NBEA: variants seen among roughly 807,000 people sequenced by gnomAD.
NBEA encodes lysosomal-trafficking regulator 2.
NBEA carries 44 observed loss-of-function variants against 343.4 expected under a neutral mutation model. That is an observed-to-expected ratio of 0.13 (90% CI 0.10 to 0.16). NBEA has a LOEUF of 0.16. Ranked by LOEUF, NBEA falls within the 10% of genes least tolerant of loss-of-function variation. The pLI is 1.00. For synonymous variants in NBEA, 1,175 were observed against 1,238.7 expected (o/e 0.95, Z 1.08); for missense variants, 2,555 against 3,631.3 (o/e 0.70, Z 7.62).
chr13:35,495,752 G>A (rs951177225), intron 41 of NBEA, among the ~76,000 whole-genome samples: 3 of 151,960 alleles, frequency 2.0e-5, no homozygotes, highest in Non-Finnish European at 4.4e-5. Context: ...CATATGTCAG[G>A]CCATAACACA....
chr13:35,271,376 T>C (rs2034134841), intron 34 of NBEA, among the ~76,000 whole-genome samples: 1 of 151,884 alleles, frequency 6.6e-6, no homozygotes, highest in African/African-American at 2.4e-5. Context: ...AGACCAAAGG[T>C]AGATAAAACC....
intron 36 of NBEA, among the ~76,000 whole-genome samples, chr13:35,341,475 A>G (rs776965406): frequency 3.0e-4 from 46 of 152,068 alleles, no homozygotes; most frequent in Admixed American, 5.9e-4. Flanking sequence ...ATTGAAATCA[A>G]TGTTTGCAAA....
chr13:35,544,852 A>C (rs985980791), intron 41 of NBEA, among the ~76,000 whole-genome samples: 1 of 152,214 alleles, frequency 6.6e-6, no homozygotes, highest in Non-Finnish European at 1.5e-5. Flanking sequence ...TGTATCAAAA[A>C]TTATGTTTAT....
At chr13:35,119,197 A>G (rs1178695721) in intron 16 of NBEA, among the ~76,000 whole-genome samples, 2 of 152,212 alleles carry the variant, frequency 1.3e-5, no homozygotes, top group Admixed American at 6.5e-5. Context: ...TAGTATTTTT[A>G]TGAACTTAAC....
At chr13:35,062,543 A>G (rs2152569562) in intron 8 of NBEA, among the ~76,000 whole-genome samples, 1 of 151,992 alleles carries the variant, frequency 6.6e-6, no homozygotes, top group Non-Finnish European at 1.5e-5. Flanking sequence ...TAGGCACATT[A>G]CAGTCAAAGT....
intron 35 of NBEA, among the ~76,000 whole-genome samples, chr13:35,295,678 A>G (rs142736999): frequency 5.3e-4 from 81 of 152,272 alleles, no homozygotes; most frequent in African/African-American, 1.9e-3. Flanking sequence ...AAGGAAAAAG[A>G]GTATCAGTAG....
chr13:35,513,773 G>A (rs9574072), intron 41 of NBEA, among the ~76,000 whole-genome samples: 7,949 of 151,798 alleles, frequency 0.052, 474 homozygotes, highest in East Asian at 0.21. Context: ...ACAAAGTATT[G>A]GAAAATAATA....
chr13:35,347,104 A>G (rs1367958112), intron 36 of NBEA, among the ~76,000 whole-genome samples: 1 of 152,128 alleles, frequency 6.6e-6, no homozygotes, highest in Non-Finnish European at 1.5e-5. Flanking sequence ...ATATTTAAAC[A>G]ATAAATTAGA....
At chr13:35,070,586 TA>T (rs2063827328) in intron 9 of NBEA, 132 bp from the exon 10 acceptor site, 1 of 829,348 alleles carries the variant, frequency 1.2e-6, no homozygotes, top group Non-Finnish European at 1.7e-6. Context: ...TATATGTGTA[TA>T]AAAATTATAA....
intron 32 of NBEA, 26 bp from the exon 33 acceptor site, chr13:35,211,027 G>A (rs1340969446): frequency 6.5e-7 from 1 of 1,542,364 alleles, no homozygotes; most frequent in Admixed American, 2.0e-5. Flanking sequence ...TATGTTTAAG[G>A]CTAAAAATTA....
chr13:35,509,815 A>AG (rs1264633208), intron 41 of NBEA, among the ~76,000 whole-genome samples: 20 of 152,360 alleles, frequency 1.3e-4, no homozygotes, highest in African/African-American at 4.6e-4. Context: ...TCAGCTAGAT[A>AG]GGGACTGAAA....
chr13:35,169,622 A>G (rs541364068), intron 25 of NBEA, among the ~76,000 whole-genome samples: 18 of 151,854 alleles, frequency 1.2e-4, no homozygotes, highest in Admixed American at 4.6e-4. Context: ...GTGATTCAAA[A>G]TGATGAAGAA....
At chr13:34,968,984 G>A (rs1034801929) in intron 1 of NBEA, among the ~76,000 whole-genome samples, 2 of 149,708 alleles carry the variant, frequency 1.3e-5, no homozygotes, top group Non-Finnish European at 3.0e-5. Flanking sequence ...CAGTAGGTGG[G>A]CTTGAAAACT....
chr13:35,321,147 T>G (rs1029479944), intron 36 of NBEA, among the ~76,000 whole-genome samples: 2 of 151,910 alleles, frequency 1.3e-5, no homozygotes, highest in Non-Finnish European at 2.9e-5. Context: ...TGGCGAGGAG[T>G]TGTGATCCTT....
Position 34,988,660 on chromosome 13 carries a change from T to A in NBEA, c.294+45546T>A, listed in dbSNP as rs185539626. ...TGCTGCGGACCAGAGCTGTTCCTAT[T>A]CGGCCATCTTGGACTGACCTTTGTA... On this transcript the variant is annotated intron_variant, in intron 1 of 58. Transcript: ENST00000379939. Among the ~76,000 whole-genome samples, 56 of 151,214 alleles carry A rather than the reference T, an allele frequency of 3.7e-4. 2 individuals carry two copies. The highest frequency in any genetic ancestry group is 8.9e-5 in the Non-Finnish European group (6 of 67,470).
chr13:35,192,882 G>C (rs1249099477), intron 30 of NBEA, among the ~76,000 whole-genome samples: 2 of 151,820 alleles, frequency 1.3e-5, no homozygotes, highest in African/African-American at 2.4e-5. Context: ...TTTTTGTATA[G>C]CTGTTAATGT....
intron 40 of NBEA, among the ~76,000 whole-genome samples, chr13:35,463,818 A>T (rs2047029683): frequency 6.6e-6 from 1 of 152,132 alleles, no homozygotes; most frequent in Non-Finnish European, 1.5e-5. Context: ...GGAAGAAAGG[A>T]GATAGAAATA....
intron 47 of NBEA, among the ~76,000 whole-genome samples, chr13:35,598,293 A>G (rs2081897856): frequency 6.6e-6 from 1 of 152,208 alleles, no homozygotes; most frequent in Non-Finnish European, 1.5e-5. Context: ...GCAGCCAGGA[A>G]TAAGTTGTCG....
At chr13:35,630,440 A>C (rs1347063420) in intron 49 of NBEA, among the ~76,000 whole-genome samples, 1 of 152,220 alleles carries the variant, frequency 6.6e-6, no homozygotes, top group African/African-American at 2.4e-5. Context: ...TGATTCAAGC[A>C]TATGTTGGCA....
Sources: allele counts gnomAD v4.1 joint callset (sites outside exome capture counted in the v4.1 genomes callset), GRCh38; gene constraint gnomAD v4.1.1; transcripts MANE v1.5; gene names NCBI Gene and HGNC (gene_info 2026-07-23, HGNC 2026-07-21).